The following CTNNBL1 variants were observed in gnomAD, a reference collection of about 807,000 sequenced individuals.
CTNNBL1 encodes beta-catenin-like protein 1.
A neutral mutation model predicts 72.7 loss-of-function variants in CTNNBL1; 31 were observed. That is an observed-to-expected ratio of 0.43 (90% CI 0.32 to 0.58). The LOEUF is 0.58. Among genes scored for constraint, CTNNBL1 ranks in the 20% least tolerant of loss-of-function variants. The probability of loss-of-function intolerance (pLI) is 0.08; values close to 1 mark genes in which losing one functional copy is unlikely to be tolerated. For missense variants in CTNNBL1, 534 were observed against 725.1 expected (o/e 0.74, Z 3.03); for synonymous variants, 240 against 267.3 (o/e 0.90, Z 1.00).
intron 11 of CTNNBL1, among the ~76,000 whole-genome samples, chr20:37,809,332 T>G (rs1342172260): frequency 6.6e-6 from 1 of 152,214 alleles, no homozygotes; most frequent in African/African-American, 2.4e-5. Context: ...TGGTACAGAC[T>G]GAAACAAAAG....
rs149956284 is a variant in CTNNBL1 at position 37,739,330 on chromosome 20, C to T, written c.326+1846C>T. ...CACCTTGATTTTTTGGGTCATCTAA[C>T]AGATCTGTCCAGGTGGTACATGCAT... On this transcript the variant is annotated intron_variant, in intron 3 of 15. Coordinates refer to ENST00000361383, the MANE Select transcript of CTNNBL1 (RefSeq NM_030877.5). Among the ~76,000 whole-genome samples, 5 of 152,138 alleles carry T rather than the reference C, an allele frequency of 3.3e-5. No homozygotes were observed. The East Asian group carries it at 7.7e-4, about 24-fold the overall frequency.
chr20:37,843,938 T>G lies in CTNNBL1; in HGVS notation c.1392+1519T>G, dbSNP rs147790878. 3.7e-3 allele frequency among the ~76,000 whole-genome samples: 561 copies of G among 152,362 alleles called. 1 individual carries two copies. The highest frequency in any genetic ancestry group is 6.4e-3 in the Non-Finnish European group (434 of 68,034). The stretch of plus-strand genomic sequence containing the variant: ...AGACTCTAAATTCTGAGGCTGCACT[T>G]TAGATATTAGCATGTTCCACCACAA... On this transcript the variant is annotated intron_variant, in intron 13 of 15. Coordinates refer to ENST00000361383, the MANE Select transcript of CTNNBL1 (RefSeq NM_030877.5).
At chr20:37,868,172 G>A (rs1010938841) in intron 15 of CTNNBL1, among the ~76,000 whole-genome samples, 3 of 152,182 alleles carry the variant, frequency 2.0e-5, no homozygotes, top group African/African-American at 7.2e-5. Context: ...TTCCTGTTTT[G>A]GAATGCTCAC....
chr20:37,776,859 C>T (rs2073578206), intron 7 of CTNNBL1, among the ~76,000 whole-genome samples: 1 of 152,088 alleles, frequency 6.6e-6, no homozygotes, highest in Non-Finnish European at 1.5e-5. Flanking sequence ...AAATTTTAAG[C>T]ATTAAAAAAA....
chr20:37,824,170 CG>C (rs2072136998), intron 11 of CTNNBL1, among the ~76,000 whole-genome samples: 1 of 152,224 alleles, frequency 6.6e-6, no homozygotes, highest in South Asian at 2.1e-4. Flanking sequence ...TTAGAGGACT[CG>C]GGCTGAAGCT....
rs917298238 is a variant in CTNNBL1 at position 37,808,975 on chromosome 20, T to A, written c.1213+5927T>A. Among the ~76,000 whole-genome samples the A allele has an allele frequency of 1.3e-4, 19 of 147,066 alleles. No homozygotes were observed. The South Asian group carries it at 1.3e-3, about 10-fold the overall frequency. Reference sequence around the variant, plus strand: ...TGTAATTGATCATCAGCCCTATGAATTCACCTTAGAAAATCTCTTGAACCA... The same window carrying A: ...TGTAATTGATCATCAGCCCTATGAAATCACCTTAGAAAATCTCTTGAACCA... On this transcript the variant is annotated intron_variant, in intron 11 of 15. Transcript: ENST00000361383.
intron 15 of CTNNBL1, among the ~76,000 whole-genome samples, chr20:37,868,178 C>T (rs1394955339): frequency 2.0e-5 from 3 of 152,184 alleles, no homozygotes; most frequent in Non-Finnish European, 2.9e-5. Context: ...TTTTGGAATG[C>T]TCACAGAGCA....
At chr20:37,718,533 C>T (rs1460686812) in intron 1 of CTNNBL1, among the ~76,000 whole-genome samples, 7 of 147,096 alleles carry the variant, frequency 4.8e-5, no homozygotes, top group South Asian at 2.2e-4. Context: ...CCAGTAGGGG[C>T]GGCCGGGCAG....
intron 15 of CTNNBL1, among the ~76,000 whole-genome samples, chr20:37,865,093 C>T (rs2072526210): frequency 6.6e-6 from 1 of 152,126 alleles, no homozygotes; most frequent in Admixed American, 6.5e-5. Flanking sequence ...CCCATATGCT[C>T]CTATGGGCTT....
intron 1 of CTNNBL1, among the ~76,000 whole-genome samples, chr20:37,708,018 C>T (rs747468280): frequency 5.0e-4 from 76 of 152,022 alleles, no homozygotes; most frequent in Non-Finnish European, 9.4e-4. Flanking sequence ...CTCACGTGGG[C>T]GTGTTTGTAG....
At chr20:37,779,454 G>A (rs1191433930) in intron 10 of CTNNBL1, 119 bp downstream of exon 10, 16 of 1,142,860 alleles carry the variant, frequency 1.4e-5, no homozygotes, top group Non-Finnish European at 2.0e-5. Context: ...ACTTTACCCT[G>A]AAGAGTAAAG....
rs762050034 is a variant in CTNNBL1, at chr20:37,765,184, G to A, written c.565-13G>A. 1.4e-5 allele frequency: 22 copies of A among 1,542,832 alleles called. No homozygotes were observed. Among genetic ancestry groups the A allele is most frequent in the African/African-American group, 5.5e-5 (4 of 72,982 alleles). Reference sequence around the variant, plus strand: ...TGACATCCCTCTCTCCTTTTGCTTCGCTATTCTTGCAGGTGGATGGGCAGG... The same window carrying A: ...TGACATCCCTCTCTCCTTTTGCTTCACTATTCTTGCAGGTGGATGGGCAGG... On this transcript the variant is annotated splice_polypyrimidine_tract_variant and intron_variant, in intron 5 of 15. Coordinates refer to ENST00000361383, the MANE Select transcript of CTNNBL1 (RefSeq NM_030877.5).
intron 15 of CTNNBL1, among the ~76,000 whole-genome samples, chr20:37,868,715 G>A (rs1044009375): frequency 2.0e-5 from 3 of 152,134 alleles, no homozygotes; most frequent in East Asian, 1.9e-4. Context: ...CAGGTGATTC[G>A]GCAAAGGGAT....
At chr20:37,697,655 T>C (rs1001631567) in intron 1 of CTNNBL1, among the ~76,000 whole-genome samples, 3 of 152,218 alleles carry the variant, frequency 2.0e-5, no homozygotes, top group Non-Finnish European at 4.4e-5. Context: ...AAGTGAACCT[T>C]AGTCTGATAA....
intron 1 of CTNNBL1, among the ~76,000 whole-genome samples, chr20:37,720,838 C>T (rs2073034510): frequency 6.6e-6 from 1 of 152,114 alleles, no homozygotes. Flanking sequence ...GGGTCAAATC[C>T]TAGGATCCCT....
chr20:37,864,933 G>A (rs2072524826), intron 15 of CTNNBL1, among the ~76,000 whole-genome samples: 1 of 152,056 alleles, frequency 6.6e-6, no homozygotes, highest in Non-Finnish European at 1.5e-5. Flanking sequence ...ATTACCTCTG[G>A]TCCTCACAAC....
chr20:37,699,913 C>T (rs2072825463), intron 1 of CTNNBL1, among the ~76,000 whole-genome samples: 2 of 152,178 alleles, frequency 1.3e-5, no homozygotes, highest in Admixed American at 1.3e-4. Flanking sequence ...TTTTCCCTGC[C>T]ATTCAAGATA....
intron 10 of CTNNBL1, among the ~76,000 whole-genome samples, chr20:37,780,494 C>A (rs1004672399): frequency 6.6e-6 from 1 of 152,040 alleles, no homozygotes; most frequent in Non-Finnish European, 1.5e-5. Flanking sequence ...ACTTTTTAAG[C>A]CTGCCACACA....
At chr20:37,779,151 T>G (rs1277508445) in intron 9 of CTNNBL1, 36 bp from the exon 10 acceptor site, 2 of 1,607,372 alleles carry the variant, frequency 1.2e-6, no homozygotes, top group South Asian at 2.2e-5. Flanking sequence ...GACATTCTCT[T>G]ATAGCTCTGT....
Sources: gnomAD v4.1 joint callset for allele counts (sites outside exome capture counted in the v4.1 genomes callset) on GRCh38, gnomAD v4.1.1 for gene constraint, MANE v1.5 for transcripts, NCBI Gene and HGNC (gene_info 2026-07-23, HGNC 2026-07-21) for gene names.